PRKN: variants seen among roughly 807,000 people sequenced by gnomAD.
The protein encoded by PRKN is E3 ubiquitin-protein ligase parkin.
A neutral mutation model predicts 59.5 loss-of-function variants in PRKN; 56 were observed. The ratio of observed to expected loss-of-function variants is 0.94; its 90% CI spans 0.76 to 1.18. PRKN has a LOEUF of 1.18. Among genes scored for constraint, PRKN ranks in the 50% most tolerant of loss-of-function variants. The pLI is 0.00. For synonymous variants in PRKN, 250 were observed against 222.1 expected (o/e 1.13, Z -1.12); for missense variants, 657 against 596.4 (o/e 1.10, Z -1.06).
At chr6:162,438,552 G>A (rs538127396) in intron 2 of PRKN, among the ~76,000 whole-genome samples, 1 of 152,106 alleles carries the variant, frequency 6.6e-6, no homozygotes, top group East Asian at 1.9e-4. Context: ...CATTTTCACT[G>A]GGTATAATAT....
In PRKN at chr6:161,546,213, T is replaced by C. The variant is rs1247565675; in HGVS notation, c.1083+2641A>G. 6.6e-6 allele frequency among the ~76,000 whole-genome samples: 1 copy of C among 152,240 alleles called. No homozygotes were observed. The highest frequency in any genetic ancestry group is 1.5e-5 in the Non-Finnish European group (1 of 68,036). On this transcript the variant is annotated intron_variant, in intron 9 of 11. Transcript: ENST00000366898. The surrounding 1 kb of genome is among the most constrained non-coding windows in gnomAD (Gnocchi z 4.4). ...GTGCCAGGAACTATTCTAAGTATTT[T>C]ACACTTATTATCTCATTTAGTATGC...
At chr6:161,657,677 G>A (rs1253170418) in intron 7 of PRKN, among the ~76,000 whole-genome samples, 3 of 151,996 alleles carry the variant, frequency 2.0e-5, no homozygotes, top group Admixed American at 6.6e-5. Context: ...AGCCTCACTC[G>A]ACATTAAAAA....
chr6:162,242,425 G>A (rs1458458095), intron 3 of PRKN, among the ~76,000 whole-genome samples: 1 of 152,128 alleles, frequency 6.6e-6, no homozygotes, highest in Non-Finnish European at 1.5e-5. Flanking sequence ...TTAGTAGTCA[G>A]AGCGACATAT....
Position 161,374,030 on chromosome 6 carries a change from T to C in PRKN, c.1167+12764A>G, listed in dbSNP as rs117626458. Among the ~76,000 whole-genome samples the C allele has an allele frequency of 2.2e-3, 333 of 152,304 alleles. 4 individuals are homozygous for C. Among genetic ancestry groups the C allele is most frequent in the Admixed American group, 0.019 (289 of 15,286 alleles). On this transcript the variant is annotated intron_variant, in intron 10 of 11. Coordinates refer to ENST00000366898, the MANE Select transcript of PRKN (RefSeq NM_004562.3). ...TTGTTTCTGGACAAATCCAGCATTTTCCTTAAGGGTTTAGCGCCATCTGGT... is the reference window on the plus strand; with the variant it reads ...TTGTTTCTGGACAAATCCAGCATTTCCCTTAAGGGTTTAGCGCCATCTGGT...
chr6:162,411,601 G>A (rs1447846586), intron 2 of PRKN, among the ~76,000 whole-genome samples: 1 of 152,054 alleles, frequency 6.6e-6, no homozygotes, highest in Admixed American at 6.6e-5. Context: ...AATACCACCT[G>A]TAAGAAAAGT....
intron 2 of PRKN, among the ~76,000 whole-genome samples, chr6:162,339,774 T>C (rs1249850966): frequency 1.3e-5 from 2 of 151,144 alleles, no homozygotes; most frequent in Non-Finnish European, 3.0e-5. Context: ...TGGGAGACTT[T>C]TCATTTTGTT....
At chr6:162,509,687 C>G (rs1221176136) in intron 1 of PRKN, among the ~76,000 whole-genome samples, 3 of 152,124 alleles carry the variant, frequency 2.0e-5, no homozygotes, top group Non-Finnish European at 4.4e-5. Flanking sequence ...AAGGATGTAC[C>G]TTTGCTATCC....
intron 5 of PRKN, among the ~76,000 whole-genome samples, chr6:162,012,736 G>C (rs1475856847): frequency 6.6e-6 from 1 of 152,080 alleles, no homozygotes; most frequent in African/African-American, 2.4e-5. Context: ...TGTACTTTCA[G>C]TCCCCTCTGA....
At position 161,435,784 on chromosome 6, in the gene PRKN, T is replaced by C. The variant is rs577610220; in HGVS notation, c.1084-48907A>G. Among the ~76,000 whole-genome samples, 16 of 147,764 alleles carry C rather than the reference T, an allele frequency of 1.1e-4. No homozygotes were observed. The South Asian group carries it at 1.8e-3, about 16-fold the overall frequency. On this transcript the variant is annotated intron_variant, in intron 9 of 11. Coordinates refer to ENST00000366898, the MANE Select transcript of PRKN (RefSeq NM_004562.3). ...TTGTATTTATTTCTGGATTTTTTTT[T>C]CCCTAAATAAAACCTGTATCTACAT...
intron 3 of PRKN, among the ~76,000 whole-genome samples, chr6:162,224,563 G>T (rs1213486722): frequency 6.6e-6 from 1 of 152,188 alleles, no homozygotes; most frequent in South Asian, 2.1e-4. Flanking sequence ...GGAAGGACAA[G>T]TTGGAGAAAA....
At chr6:161,358,106 CT>C (rs928131888) in intron 11 of PRKN, among the ~76,000 whole-genome samples, 1 of 151,762 alleles carries the variant, frequency 6.6e-6, no homozygotes, top group African/African-American at 2.4e-5. Flanking sequence ...CAGTTGGCAC[CT>C]TTTTTCCTAA....
chr6:161,982,031 C>T (rs1781277152), intron 5 of PRKN, among the ~76,000 whole-genome samples: 1 of 152,186 alleles, frequency 6.6e-6, no homozygotes, highest in African/African-American at 2.4e-5. Flanking sequence ...AGAAGTCTAA[C>T]TTAAAACAAA....
At chr6:162,631,423 C>T (rs1292788085) in intron 1 of PRKN, among the ~76,000 whole-genome samples, 1 of 152,022 alleles carries the variant, frequency 6.6e-6, no homozygotes, top group Non-Finnish European at 1.5e-5. Flanking sequence ...AAGAAGGGTG[C>T]TTTAAGAATT....
intron 4 of PRKN, among the ~76,000 whole-genome samples, chr6:162,129,202 T>A (rs1363467921): frequency 6.6e-6 from 1 of 152,226 alleles, no homozygotes; most frequent in Non-Finnish European, 1.5e-5. Flanking sequence ...AAGTACTTCA[T>A]CATCATTAAT....
At chr6:162,249,103 CTCT>C (rs1779321747) in intron 3 of PRKN, among the ~76,000 whole-genome samples, 1 of 152,132 alleles carries the variant, frequency 6.6e-6, no homozygotes, top group Non-Finnish European at 1.5e-5. Flanking sequence ...TGGTCTCGAT[CTCT>C]TGACCTCGTG....
intron 7 of PRKN, among the ~76,000 whole-genome samples, chr6:161,629,142 T>A (rs1468475074): frequency 2.6e-5 from 4 of 152,104 alleles, no homozygotes; most frequent in African/African-American, 9.7e-5. Context: ...AGGCTAGGGA[T>A]GCTCATGCAT....
At chr6:162,329,153 C>T (rs946990578) in intron 2 of PRKN, among the ~76,000 whole-genome samples, 3 of 152,194 alleles carry the variant, frequency 2.0e-5, no homozygotes, top group African/African-American at 7.2e-5. Flanking sequence ...ATTGCACAGA[C>T]ATAATCCAAC....
chr6:162,178,645 T>C (rs1198589394), intron 4 of PRKN, among the ~76,000 whole-genome samples: 1 of 152,182 alleles, frequency 6.6e-6, no homozygotes, highest in Admixed American at 6.5e-5. Flanking sequence ...CAGGTGGACA[T>C]GTTTGTGTGT....
intron 4 of PRKN, among the ~76,000 whole-genome samples, chr6:162,117,438 T>C (rs574749599): frequency 1.1e-4 from 17 of 152,158 alleles, no homozygotes; most frequent in Non-Finnish European, 2.2e-4. Context: ...ATGTGAACTA[T>C]AGTAAAAGTG....
Sources: gnomAD v4.1 joint callset for allele counts (sites outside exome capture counted in the v4.1 genomes callset) on GRCh38, gnomAD v4.1.1 for gene constraint, Gnocchi (gnomAD v3.1) non-coding constraint, MANE v1.5 for transcripts, NCBI Gene and HGNC (gene_info 2026-07-23, HGNC 2026-07-21) for gene names.